MTRR: variants seen among roughly 807,000 people sequenced by gnomAD.
The protein encoded by MTRR is methionine synthase reductase.
Under a neutral mutation model 79.2 loss-of-function variants are expected in MTRR, and 63 were observed. That is an observed-to-expected ratio of 0.80 (90% CI 0.65 to 0.98). The LOEUF (loss-of-function observed/expected upper bound fraction) is 0.98, where lower values mean the gene tolerates loss of function less well. Ranked by LOEUF, MTRR falls within the 50% of genes least tolerant of loss-of-function variation. The probability of loss-of-function intolerance (pLI) is 0.00; values close to 1 mark genes in which losing one functional copy is unlikely to be tolerated. For synonymous variants in MTRR, 355 were observed against 313.3 expected, an observed-to-expected ratio of 1.13 and a Z score of -1.41; for missense variants, 895 against 839.6, an observed-to-expected ratio of 1.07 and a Z score of -0.82.
chr5:7,876,454 T>C (rs747834433), intron 4 of MTRR, among the ~76,000 whole-genome samples: 10 of 152,262 alleles, frequency 6.6e-5, no homozygotes, highest in Non-Finnish European at 1.3e-4. Flanking sequence ...TCACTTCTCT[T>C]CAAAGGCTTT....
At chr5:7,866,185 G>A (rs528058130), upstream of MTRR, among the ~76,000 whole-genome samples, 7 of 152,062 alleles carry the variant, frequency 4.6e-5, no homozygotes, top group South Asian at 1.2e-3. Context: ...CAAGCTCCTA[G>A]CTACAGAATA....
upstream of MTRR, chr5:7,867,900 A>T: frequency 6.2e-7 from 1 of 1,614,156 alleles, no homozygotes; most frequent in Non-Finnish European, 8.5e-7. Context: ...AACTTTTTAC[A>T]ATGGGCATGA....
chr5:7,871,585 A>G (rs1169867577), intron 2 of MTRR, among the ~76,000 whole-genome samples: 1 of 152,244 alleles, frequency 6.6e-6, no homozygotes. Flanking sequence ...GCCGCTAAGC[A>G]GTTAAAATTC....
upstream of MTRR, chr5:7,868,954 G>A (rs368617086): frequency 5.6e-4 from 404 of 725,964 alleles, no homozygotes; most frequent in Non-Finnish European, 8.7e-4. Flanking sequence ...GACCAACTGC[G>A]CGGAGACCCC....
upstream of MTRR, chr5:7,867,456 TTC>T (rs1387991469): frequency 1.2e-6 from 2 of 1,614,216 alleles, no homozygotes; most frequent in Non-Finnish European, 1.7e-6. Context: ...ATGCCACCTT[TTC>T]TGAGACGATT....
At chr5:7,871,307 T>G (rs753165697) in intron 2 of MTRR, among the ~76,000 whole-genome samples, 5 of 152,178 alleles carry the variant, frequency 3.3e-5, no homozygotes, top group Non-Finnish European at 7.3e-5. Context: ...TTGCCGTGCG[T>G]GTTAGAGTTC....
intron 8 of MTRR, 107 bp downstream of exon 8, chr5:7,886,810 G>C (rs1736542992): frequency 2.4e-6 from 2 of 845,936 alleles, no homozygotes; most frequent in East Asian, 2.5e-5. Context: ...TAAAAAATGT[G>C]ATCTTGATAG....
At chr5:7,862,402 T>C (rs1746615544) in intron 2 of MTRR, among the ~76,000 whole-genome samples, 1 of 152,110 alleles carries the variant, frequency 6.6e-6, no homozygotes, top group East Asian at 1.9e-4. Context: ...TCTTAAACTT[T>C]TAATAATTTA....
chr5:7,883,125 A>C (rs1315031481), intron 5 of MTRR, 30 bp from the exon 6 acceptor site: 2 of 1,614,110 alleles, frequency 1.2e-6, no homozygotes, highest in East Asian at 2.2e-5. Context: ...TGAAAATTGC[A>C]CTTACGTTTT....
In MTRR at chr5:7,873,539, C is replaced by T. The variant is rs368391537; in HGVS notation, c.283+13C>T. The stretch of plus-strand genomic sequence containing the variant: ...TATGGGTTACTGGGTAATGGACTCT[C>T]TCTTCTGATCTTACTATAGTATACT... On this transcript the variant is annotated intron_variant, in intron 3 of 14. Transcript: ENST00000440940. 6.2e-7 allele frequency: 1 copy of T among 1,613,442 alleles called. No individual in the cohort carries two copies. The highest frequency in any genetic ancestry group is 2.2e-5 in the East Asian group (1 of 44,886).
chr5:7,868,563 G>A (rs1747241885), upstream of MTRR, among the ~76,000 whole-genome samples: 1 of 152,142 alleles, frequency 6.6e-6, no homozygotes, highest in Non-Finnish European at 1.5e-5. Context: ...AATTAGGCGA[G>A]GTTAGAGCAA....
At chr5:7,866,302 T>C (rs1045300507), upstream of MTRR, among the ~76,000 whole-genome samples, 2 of 121,576 alleles carry the variant, frequency 1.6e-5, no homozygotes, top group Admixed American at 9.7e-5. Flanking sequence ...AGATGAATAA[T>C]ACCATCCTCT....
intron 9 of MTRR, among the ~76,000 whole-genome samples, chr5:7,889,842 G>A (rs1430564538): frequency 2.6e-5 from 4 of 152,146 alleles, no homozygotes; most frequent in African/African-American, 9.7e-5. Flanking sequence ...TCATGGTACT[G>A]CCAGGCAGAG....
At chr5:7,888,464 G>A (rs1375956909) in intron 8 of MTRR, among the ~76,000 whole-genome samples, 5 of 152,184 alleles carry the variant, frequency 3.3e-5, no homozygotes, top group Non-Finnish European at 5.9e-5. Context: ...GATTTGGGGC[G>A]TCCATTCAGC....
At chr5:7,862,732 A>G in intron 2 of MTRR, 1 of 1,148,320 alleles carries the variant, frequency 8.7e-7, no homozygotes, top group Non-Finnish European at 1.2e-6. Flanking sequence ...TTGCATTTCC[A>G]GAGAACTTCT....
intron 1 of MTRR, among the ~76,000 whole-genome samples, chr5:7,852,655 AT>A (rs896826332): frequency 4.0e-5 from 6 of 151,592 alleles, no homozygotes; most frequent in African/African-American, 1.5e-4. Flanking sequence ...AGGGGCTCTT[AT>A]TTTTCTCCCA....
intron 11 of MTRR, among the ~76,000 whole-genome samples, chr5:7,894,572 T>C (rs77682018): frequency 0.017 from 2,546 of 152,322 alleles, 33 homozygotes; most frequent in Non-Finnish European, 0.025. Context: ...CTGCCAGGAA[T>C]ATGCTCTGGC....
upstream of MTRR, chr5:7,869,002 C>T (rs769506967): frequency 1.1e-5 from 11 of 1,039,370 alleles, no homozygotes; most frequent in East Asian, 2.4e-5. Flanking sequence ...GCAATCACTC[C>T]GGGTGGTCGC....
In MTRR at chr5:7,878,143, A is replaced by G. The variant is rs766155854; in HGVS notation, c.601A>G (p.Arg201Gly). 6.2e-7 allele frequency: 1 copy of G among 1,614,144 alleles called. No homozygotes were observed. The highest frequency in any genetic ancestry group is 2.2e-5 in the East Asian group (1 of 44,856). The change falls in exon 5 of 15, where the codon AGA (arginine) becomes GGA (glycine). Residue 201 changes from arginine (R) to glycine (G), a missense_variant. By Grantham distance (125) the Arg-to-Gly change is moderately radical. Coordinates refer to ENST00000440940, the MANE Select transcript of MTRR (RefSeq NM_002454.3). ...VELLRFDDSG[R>G]KDSEVLKQNA... ...GCTTCTGAGATTCGATGATTCAGGA[A>G]GAAAGGATTCTGAGGTTTTGAAGCA...
Sources: allele counts gnomAD v4.1 joint callset (sites outside exome capture counted in the v4.1 genomes callset), GRCh38; gene constraint gnomAD v4.1.1; transcripts MANE v1.5; gene names NCBI Gene and HGNC (gene_info 2026-07-23, HGNC 2026-07-21).